The following VEPH1 variants were observed in gnomAD, a reference collection of about 807,000 sequenced individuals.
The protein encoded by VEPH1 is ventricular zone expressed PH domain containing 1.
VEPH1 carries 80 observed loss-of-function variants against 85.2 expected under a neutral mutation model. The ratio of observed to expected loss-of-function variants is 0.94; its 90% confidence interval spans 0.78 to 1.13. The LOEUF is 1.13. Among genes scored for constraint, VEPH1 ranks in the 50% most tolerant of loss-of-function variants. The probability of loss-of-function intolerance (pLI) is 0.00; values close to 1 mark genes in which losing one functional copy is unlikely to be tolerated. For missense variants in VEPH1, 955 were observed against 980.5 expected (o/e 0.97, Z 0.35); for synonymous variants, 297 against 348.0 (o/e 0.85, Z 1.63).
intron 6 of VEPH1, among the ~76,000 whole-genome samples, chr3:157,392,958 C>T (rs553407342): frequency 2.0e-5 from 3 of 152,308 alleles, no homozygotes; most frequent in East Asian, 3.9e-4. Flanking sequence ...TAAACTAGGG[C>T]ATGGGTATGT....
chr3:157,404,196 A>C (rs1335669834), intron 6 of VEPH1, among the ~76,000 whole-genome samples: 1 of 152,110 alleles, frequency 6.6e-6, no homozygotes, highest in Non-Finnish European at 1.5e-5. Context: ...GTTAGTTGGC[A>C]AGTACCTGTG....
intron 12 of VEPH1, chr3:157,285,423 T>C (rs4680351): frequency 0.68 from 102,740 of 152,106 alleles, 34,923 homozygotes; most frequent in Admixed American, 0.75. Flanking sequence ...ATACTTTTAC[T>C]ATTCAGCCTC....
At chr3:157,316,235 G>C (rs1346491211) in intron 10 of VEPH1, 2 of 151,834 alleles carry the variant, frequency 1.3e-5, no homozygotes, top group African/African-American at 4.8e-5. Flanking sequence ...ATTAACAGAA[G>C]TAAATAAAGT....
At chr3:157,406,903 G>GTAAAT (rs1282530654) in intron 6 of VEPH1, among the ~76,000 whole-genome samples, 1 of 151,212 alleles carries the variant, frequency 6.6e-6, no homozygotes, top group Non-Finnish European at 1.5e-5. Flanking sequence ...CTAAAGTAAA[G>GTAAAT]TAAAGATGAC....
At chr3:157,265,065 T>A (rs1478749255) in intron 13 of VEPH1, among the ~76,000 whole-genome samples, 1 of 152,206 alleles carries the variant, frequency 6.6e-6, no homozygotes, top group East Asian at 1.9e-4. Flanking sequence ...GACAGTAATA[T>A]TTTAATCAGA....
chr3:157,437,519 C>A (rs1000074101), intron 4 of VEPH1: 8 of 1,605,124 alleles, frequency 5.0e-6, no homozygotes, highest in Non-Finnish European at 6.8e-6. Context: ...CTAGCCACGC[C>A]GTGCGCCTGC....
At chr3:157,429,647 G>A (rs1456531045) in intron 4 of VEPH1, among the ~76,000 whole-genome samples, 1 of 152,154 alleles carries the variant, frequency 6.6e-6, no homozygotes, top group Non-Finnish European at 1.5e-5. Flanking sequence ...CTTTTAAAAG[G>A]TTGTGTTCGT....
rs1172826654 is a variant in VEPH1, at chr3:157,503,346, TG to T, written c.-228del. On this transcript the variant is annotated 5_prime_UTR_variant, in exon 1 of 14. It introduces an in-frame stop codon into an upstream open reading frame of the 5' UTR. Coordinates refer to ENST00000362010, the MANE Select transcript of VEPH1 (RefSeq NM_001167912.2). ...TCCTTGATCTTTAGAGCACTGCAGC[TG>T]GGACCCATGACCATGCTCAGAGGCA... 1.3e-5 allele frequency: 2 copies of T among 152,226 alleles called. No individual in the cohort carries two copies. Among genetic ancestry groups the T allele is most frequent in the Non-Finnish European group, 2.9e-5 (2 of 68,050 alleles). The allele number at this position is 152,226 out of a possible 1,614,324, so 9.4% of individuals were successfully genotyped here.
At chr3:157,366,596 G>A (rs1045329844) in intron 7 of VEPH1, among the ~76,000 whole-genome samples, 1 of 152,024 alleles carries the variant, frequency 6.6e-6, no homozygotes, top group South Asian at 2.1e-4. Context: ...TTAGCTGGGT[G>A]TGGTGTCAGG....
rs111501334 is a variant in VEPH1, at chr3:157,406,993, C to CAA, written c.906+6886_906+6887dup. On this transcript the variant is annotated intron_variant, in intron 6 of 13. Coordinates refer to ENST00000362010, the MANE Select transcript of VEPH1 (RefSeq NM_001167912.2). Reference sequence around the variant, plus strand: ...GATACATGAATTCAAGTTGGCCTCCCAAAAAAAAAAAAAAAATCAATGCCA... The same window carrying CAA: ...GATACATGAATTCAAGTTGGCCTCCCAAAAAAAAAAAAAAAAAATCAATGCCA... Among the ~76,000 whole-genome samples the CAA allele has an allele frequency of 4.9e-3, 595 of 120,654 alleles. 3 individuals are homozygous for CAA. Among genetic ancestry groups the CAA allele is most frequent in the African/African-American group, 0.017 (553 of 33,114 alleles). 79.2% of individuals were successfully genotyped at this position (120,654 alleles called of 152,430 possible).
chr3:157,333,672 A>G (rs1230909926), intron 9 of VEPH1, among the ~76,000 whole-genome samples: 1 of 152,216 alleles, frequency 6.6e-6, no homozygotes, highest in East Asian at 1.9e-4. Flanking sequence ...GCACAGATTT[A>G]TCAAAAGTTG....
At chr3:157,428,264 A>G in intron 5 of VEPH1, 58 bp downstream of exon 5, 1 of 1,584,404 alleles carries the variant, frequency 6.3e-7, no homozygotes, top group South Asian at 1.1e-5. Context: ...TACGCTGTTC[A>G]CACACAAAGA....
At chr3:157,477,877 C>T (rs1737638216) in intron 2 of VEPH1, among the ~76,000 whole-genome samples, 3 of 152,156 alleles carry the variant, frequency 2.0e-5, no homozygotes, top group Non-Finnish European at 4.4e-5. Context: ...TGTTAGATCC[C>T]CTTCTAACTT....
intron 3 of VEPH1, 105 bp from the exon 4 acceptor site, chr3:157,460,460 A>C: frequency 7.3e-7 from 1 of 1,376,456 alleles, no homozygotes; most frequent in Non-Finnish European, 9.7e-7. Flanking sequence ...ACCAGAGTAC[A>C]GCTGTGAAAA....
At chr3:157,376,816 G>A (rs1728174617) in intron 7 of VEPH1, among the ~76,000 whole-genome samples, 1 of 152,148 alleles carries the variant, frequency 6.6e-6, no homozygotes, top group Non-Finnish European at 1.5e-5. Flanking sequence ...AATCTGGCCT[G>A]CTGGGCTACA....
chr3:157,286,363 T>C, intron 12 of VEPH1, 194 bp downstream of exon 12: 1 of 621,016 alleles, frequency 1.6e-6, no homozygotes, highest in Non-Finnish European at 2.9e-6. Flanking sequence ...TTTCTCTGCC[T>C]CCCAAAGTTT....
At chr3:157,292,804 T>G (rs953932381) in intron 11 of VEPH1, among the ~76,000 whole-genome samples, 1 of 108,698 alleles carries the variant, frequency 9.2e-6, no homozygotes, top group Non-Finnish European at 1.8e-5. Flanking sequence ...AAACCCCCTC[T>G]CTACTAAAAA....
intron 11 of VEPH1, among the ~76,000 whole-genome samples, chr3:157,304,297 C>T (rs974700787): frequency 2.6e-5 from 4 of 151,866 alleles, no homozygotes; most frequent in African/African-American, 7.3e-5. Context: ...CAAATGTTAG[C>T]CAGATGGGGC....
chr3:157,334,758 G>A (rs1722806191), intron 9 of VEPH1, among the ~76,000 whole-genome samples: 1 of 152,196 alleles, frequency 6.6e-6, no homozygotes, highest in Non-Finnish European at 1.5e-5. Context: ...GTAAGAAATA[G>A]GCTAGCCCTG....
Sources: gnomAD v4.1 joint callset for allele counts (sites outside exome capture counted in the v4.1 genomes callset) on GRCh38, gnomAD v4.1.1 for gene constraint, MANE v1.5 for transcripts, NCBI Gene and HGNC (gene_info 2026-07-23, HGNC 2026-07-21) for gene names.